The following MRAS variants were observed in gnomAD, a reference collection of about 807,000 sequenced individuals.
MRAS encodes muscle RAS oncogene homolog.
Under a neutral mutation model 20.9 loss-of-function variants are expected in MRAS, and 4 were observed. The ratio of observed to expected loss-of-function variants is 0.19; its 90% CI spans 0.09 to 0.44. The LOEUF (loss-of-function observed/expected upper bound fraction) is 0.44. MRAS is among the 20% of genes least tolerant of loss of function. The pLI is 0.99. For missense variants in MRAS, 154 were observed against 277.5 expected (o/e 0.56, Z 3.16); for synonymous variants, 98 against 102.9 (o/e 0.95, Z 0.29).
At chr3:138,376,563 G>T (rs2054787261) in intron 2 of MRAS, among the ~76,000 whole-genome samples, 2 of 152,106 alleles carry the variant, frequency 1.3e-5, no homozygotes, top group African/African-American at 4.8e-5. Flanking sequence ...TGTAGTGAAA[G>T]GTTTGATGTG....
chr3:138,401,885 A>C (rs1242491858), intron 5 of MRAS, among the ~76,000 whole-genome samples: 1 of 152,212 alleles, frequency 6.6e-6, no homozygotes, highest in African/African-American at 2.4e-5. Flanking sequence ...ATTTATGTAA[A>C]TGTAGCTACA....
chr3:138,386,876 A>C (rs2055027219), intron 2 of MRAS, among the ~76,000 whole-genome samples: 1 of 152,184 alleles, frequency 6.6e-6, no homozygotes, highest in Non-Finnish European at 1.5e-5. Context: ...GTGAATGTTC[A>C]TGTGCAAATT....
chr3:138,379,357 CTTTTTTTTTTTTT>C (rs35120152), intron 2 of MRAS, among the ~76,000 whole-genome samples: 4 of 77,598 alleles, frequency 5.2e-5, no homozygotes, highest in Non-Finnish European at 9.4e-5. Flanking sequence ...GACAGAATGT[CTTTTTTTTTTTTT>C]TTTTTTTTTT....
At position 138,397,484 on chromosome 3, in the gene MRAS, A is replaced by AAAGACAGGTGAGCG. The variant is rs766784754; in HGVS notation, c.347+7_347+8insAAGACAGGTGAGCG. The AAAGACAGGTGAGCG allele has an allele frequency of 8.7e-6, 14 of 1,614,074 alleles. No homozygotes were observed. The highest frequency in any genetic ancestry group is 1.2e-5 in the Non-Finnish European group (14 of 1,179,944). The stretch of plus-strand genomic sequence containing the variant: ...TCCTGCGCGTCAAAGACAGGTGAGC[A>AAAGACAGGTGAGCG]TCAAAGACAGGTGAGAGTACCGGGA... On this transcript the variant is annotated splice_region_variant and intron_variant, in intron 3 of 5. Transcript: ENST00000423968.
At chr3:138,389,977 A>T (rs1465844967) in intron 2 of MRAS, among the ~76,000 whole-genome samples, 1 of 151,544 alleles carries the variant, frequency 6.6e-6, no homozygotes, top group Admixed American at 6.6e-5. Flanking sequence ...CACGCCTGTA[A>T]TCCCAGGCGT....
rs192937666 is a variant in MRAS at position 138,379,088 on chromosome 3, A to G, written c.193+6012A>G. 3.3e-5 allele frequency among the ~76,000 whole-genome samples: 5 copies of G among 152,276 alleles called. No homozygotes were observed. In the East Asian group the frequency reaches 5.8e-4, roughly 18 times the overall value. The stretch of plus-strand genomic sequence containing the variant: ...AATTTGCAATGAATTATTGTTAACT[A>G]TAATTTCCCTACTGTGCTATCAAAT... On this transcript the variant is annotated intron_variant, in intron 2 of 5. Coordinates refer to ENST00000423968, the MANE Select transcript of MRAS (RefSeq NM_001085049.3).
At chr3:138,352,252 G>A (rs749065986) in intron 1 of MRAS, among the ~76,000 whole-genome samples, 30 of 152,296 alleles carry the variant, frequency 2.0e-4, no homozygotes, top group Non-Finnish European at 2.6e-4. Flanking sequence ...TCTCTAGGAA[G>A]CATTCCCGCT....
At chr3:138,365,066 T>C (rs2054532154) in intron 1 of MRAS, among the ~76,000 whole-genome samples, 1 of 152,228 alleles carries the variant, frequency 6.6e-6, no homozygotes, top group Non-Finnish European at 1.5e-5. Flanking sequence ...TTGTTTCAGA[T>C]CCCGACACTG....
intron 1 of MRAS, among the ~76,000 whole-genome samples, chr3:138,355,759 C>T (rs543213645): frequency 2.6e-5 from 4 of 152,214 alleles, no homozygotes; most frequent in East Asian, 3.9e-4. Flanking sequence ...GGTGAAACTC[C>T]GTCTCTACTA....
intron 4 of MRAS, among the ~76,000 whole-genome samples, chr3:138,399,128 A>G (rs1212468): frequency 0.092 from 14,079 of 152,230 alleles, 1,710 homozygotes; most frequent in African/African-American, 0.28. Flanking sequence ...GCCAGGAGAA[A>G]GTGGAAAGTG....
chr3:138,396,920 G>A (rs1302912542), intron 2 of MRAS, among the ~76,000 whole-genome samples: 4 of 152,128 alleles, frequency 2.6e-5, no homozygotes, highest in African/African-American at 9.7e-5. Context: ...AGCTCAGAGA[G>A]TCAGGCAGCC....
chr3:138,392,275 G>A (rs1022558594), intron 2 of MRAS, among the ~76,000 whole-genome samples: 1 of 152,208 alleles, frequency 6.6e-6, no homozygotes, highest in Non-Finnish European at 1.5e-5. Flanking sequence ...TGGCAAGATT[G>A]TAGCTCATTG....
Position 138,402,768 on chromosome 3 carries a change from C to T in MRAS, c.*499C>T, listed in dbSNP as rs1436621848. 1.3e-5 allele frequency: 2 copies of T among 152,684 alleles called. No individual in the cohort carries two copies. The highest frequency in any genetic ancestry group is 4.8e-5 in the African/African-American group (2 of 41,422). The allele number at this position is 152,684 out of a possible 1,614,324, so 9.5% of individuals were successfully genotyped here. A position where few individuals can be genotyped will look rare whatever the true frequency, so the allele number is the denominator to read the frequency against. The stretch of plus-strand genomic sequence containing the variant: ...CTGGGCTCACTGCCTGGTGAAGTTT[C>T]AAGTGTTCAGCAGACCTCTCTGGTA... On this transcript the variant is annotated 3_prime_UTR_variant, in exon 6 of 6. Transcript: ENST00000423968.
At chr3:138,366,920 C>T (rs1303943667) in intron 1 of MRAS, among the ~76,000 whole-genome samples, 3 of 152,180 alleles carry the variant, frequency 2.0e-5, no homozygotes, top group Admixed American at 6.5e-5. Flanking sequence ...TGAAGCCATT[C>T]GTTTAACATG....
At chr3:138,401,690 C>G (rs1057440032) in intron 5 of MRAS, among the ~76,000 whole-genome samples, 2 of 152,302 alleles carry the variant, frequency 1.3e-5, no homozygotes, top group African/African-American at 4.8e-5. Flanking sequence ...GTGCTGCCAT[C>G]AGGTAGCCTA....
At chr3:138,362,755 C>G (rs1268226171) in intron 1 of MRAS, among the ~76,000 whole-genome samples, 1 of 152,140 alleles carries the variant, frequency 6.6e-6, no homozygotes, top group African/African-American at 2.4e-5. Flanking sequence ...TTTCATCATG[C>G]AGTGCTTATT....
At chr3:138,399,535 A>T (rs2055314713) in intron 4 of MRAS, among the ~76,000 whole-genome samples, 2 of 46,446 alleles carry the variant, frequency 4.3e-5, no homozygotes, top group Non-Finnish European at 7.5e-5. Flanking sequence ...ACAACAACTT[A>T]CTCTGTCGCC....
intron 1 of MRAS, among the ~76,000 whole-genome samples, chr3:138,371,849 C>T (rs1157904508): frequency 6.6e-6 from 1 of 152,142 alleles, no homozygotes; most frequent in Non-Finnish European, 1.5e-5. Flanking sequence ...GACCACAGAT[C>T]CTGGTTTCCC....
chr3:138,398,415 C>T, intron 3 of MRAS, 54 bp from the exon 4 acceptor site: 1 of 1,465,570 alleles, frequency 6.8e-7, no homozygotes, highest in Admixed American at 1.7e-5. Context: ...CCACCTTAAC[C>T]AGGTGTGAGG....
Sources: gnomAD v4.1 joint callset for allele counts (sites outside exome capture counted in the v4.1 genomes callset) on GRCh38, gnomAD v4.1.1 for gene constraint, MANE v1.5 for transcripts, NCBI Gene and HGNC (gene_info 2026-07-23, HGNC 2026-07-21) for gene names.